Variants in TMEM164 observed in about 807,000 individuals in gnomAD.
TMEM164 encodes RP13-360B22.2.
A neutral mutation model predicts 18.8 loss-of-function variants in TMEM164; 4 were observed. The ratio of observed to expected loss-of-function variants is 0.21; its 90% CI spans 0.10 to 0.49. TMEM164 has a LOEUF of 0.49. Ranked by LOEUF, TMEM164 falls within the 20% of genes least tolerant of loss-of-function variation. TMEM164 has a pLI of 0.98. For synonymous variants in TMEM164, 86 were observed against 101.7 expected (o/e 0.85, Z 0.93); for missense variants, 108 against 239.9 (o/e 0.45, Z 3.63).
rs746216041 is a variant in TMEM164 at position 110,157,902 on chromosome X, G to GACTA, written c.586+13027_586+13028insCTAA. Among the ~76,000 whole-genome samples the GACTA allele has an allele frequency of 4.1e-3, 450 of 111,058 alleles. 6 individuals carry two copies. The highest frequency in any genetic ancestry group is 0.014 in the African/African-American group (439 of 30,521). On this transcript the variant is annotated intron_variant, in intron 5 of 6. Coordinates refer to ENST00000372068, the MANE Select transcript of TMEM164 (RefSeq NM_032227.4). ...TGGTTGATTGATTGATTGATTGATT[G>GACTA]ATGAGATGGAGTCTCATCCTGCCGT...
chrX:110,105,590 G>A (rs1281011624), intron 3 of TMEM164, among the ~76,000 whole-genome samples: 1 of 108,620 alleles, frequency 9.2e-6, no homozygotes, highest in African/African-American at 3.4e-5. Context: ...CACACAAGGG[G>A]TTTAGGCATG....
At chrX:110,072,007 A>G (rs1466197204) in intron 3 of TMEM164, among the ~76,000 whole-genome samples, 1 of 110,326 alleles carries the variant, frequency 9.1e-6, no homozygotes, top group Non-Finnish European at 1.9e-5. Context: ...ACCGTTAGAA[A>G]TTATGTATCC....
chrX:110,032,516 A>G (rs73636931), intron 2 of TMEM164, among the ~76,000 whole-genome samples: 3,965 of 111,382 alleles, frequency 0.036, 169 homozygotes, highest in African/African-American at 0.12. Flanking sequence ...CGTGAAAAGC[A>G]TAGAAAAGCA....
chrX:110,125,007 T>C (rs1224209036), intron 4 of TMEM164, among the ~76,000 whole-genome samples: 2 of 112,531 alleles, frequency 1.8e-5, no homozygotes, highest in African/African-American at 6.5e-5. Flanking sequence ...CAAAGATACC[T>C]AGTCAGCAGA....
At chrX:110,129,191 G>GT (rs2066577816) in intron 4 of TMEM164, among the ~76,000 whole-genome samples, 1 of 112,419 alleles carries the variant, frequency 8.9e-6, no homozygotes, top group African/African-American at 3.2e-5. Flanking sequence ...GCCGTTCCAA[G>GT]TTTTTATTGG....
chrX:110,060,635 G>T (rs1404402470), intron 2 of TMEM164, among the ~76,000 whole-genome samples: 1 of 111,537 alleles, frequency 9.0e-6, no homozygotes, highest in Non-Finnish European at 1.9e-5. Context: ...TTTCACAAAT[G>T]TCCCTTTTCT....
chrX:110,020,050 T>C (rs1221088662), intron 2 of TMEM164, among the ~76,000 whole-genome samples: 1 of 112,289 alleles, frequency 8.9e-6, no homozygotes, highest in Non-Finnish European at 1.9e-5. Flanking sequence ...AAACACTCCC[T>C]CTTGTGAAGC....
At position 110,173,494 on chromosome X, in the gene TMEM164, C is replaced by A; in HGVS notation, c.*43C>A. ...TTTTTTCCTCCCTGAGGAAGCAAGT[C>A]GTGACTTGACTTGGAGAACACCCAG... On this transcript the variant is annotated 3_prime_UTR_variant, in exon 7 of 7. Transcript: ENST00000372068. 9.1e-7 allele frequency: 1 copy of A among 1,102,116 alleles called. No homozygotes were observed. The highest frequency in any genetic ancestry group is 1.2e-6 in the Non-Finnish European group (1 of 813,190). 90.8% of individuals were successfully genotyped at this position (1,102,116 alleles called of 1,213,427 possible).
intron 2 of TMEM164, among the ~76,000 whole-genome samples, chrX:110,042,749 T>A (rs1310866582): frequency 1.8e-5 from 2 of 112,300 alleles, no homozygotes; most frequent in Non-Finnish European, 3.8e-5. Context: ...TCATTGTGGT[T>A]TTGTTTTGCA....
intron 3 of TMEM164, among the ~76,000 whole-genome samples, chrX:110,108,298 A>G (rs2066241988): frequency 1.8e-5 from 2 of 110,475 alleles, no homozygotes. Context: ...GAAGGAAGCT[A>G]CTTAAATCCA....
intron 2 of TMEM164, among the ~76,000 whole-genome samples, chrX:110,022,440 G>A (rs1410618339): frequency 9.0e-6 from 1 of 111,462 alleles, no homozygotes. Flanking sequence ...TGTAGGATGG[G>A]TGCCAGCACT....
Position 110,106,936 on chromosome X carries a change from C to A in TMEM164, c.441-2144C>A, listed in dbSNP as rs747964558. Among the ~76,000 whole-genome samples, 328 of 112,298 alleles carry A rather than the reference C, an allele frequency of 2.9e-3. 1 individual carries two copies. Among genetic ancestry groups the A allele is most frequent in the Non-Finnish European group, 5.6e-3 (296 of 53,223 alleles). The stretch of plus-strand genomic sequence containing the variant: ...AAAAGGATTGTGGTAACCTGGCCAG[C>A]CCCAGGGAGGTTGGAGTGACATTGC... On this transcript the variant is annotated intron_variant, in intron 3 of 6. Transcript: ENST00000372068.
At position 110,176,417 on chromosome X, in the gene TMEM164, A is replaced by G. The variant is rs768928505; in HGVS notation, c.*2966A>G. The G allele has an allele frequency of 6.7e-4, 505 of 754,826 alleles. 5 individuals carry two copies. The African/African-American group carries it at 0.011, about 17-fold the overall frequency. The allele number at this position is 754,826 out of a possible 1,213,427, so 62.2% of individuals were successfully genotyped here. ...CCTGTGAAGGCATGCAGGGTTCTGA[A>G]GCCACAGACTCAGTCTCCCCAAGTC... is the stretch of plus-strand genomic sequence containing the variant. On this transcript the variant is annotated 3_prime_UTR_variant, in exon 7 of 7. Transcript: ENST00000372068.
At chrX:110,017,503 C>A (rs1933507663) in intron 2 of TMEM164, among the ~76,000 whole-genome samples, 1 of 4,591 alleles carries the variant, frequency 2.2e-4, no homozygotes, top group South Asian at 0.02. Flanking sequence ...TCCCTCCCTC[C>A]CTCCCTCCCT....
intron 2 of TMEM164, among the ~76,000 whole-genome samples, chrX:110,005,270 AG>A (rs1001939850): frequency 9.0e-6 from 1 of 111,704 alleles, no homozygotes; most frequent in African/African-American, 3.3e-5. Flanking sequence ...ACAGGCCTGG[AG>A]GGGTTTAGGA....
chrX:110,075,195 T>A (rs2065653048), intron 3 of TMEM164, among the ~76,000 whole-genome samples: 1 of 111,735 alleles, frequency 8.9e-6, no homozygotes, highest in Non-Finnish European at 1.9e-5. Flanking sequence ...GATGTATTCC[T>A]AGGCATTTTA....
Position 110,173,791 on chromosome X carries a change from C to A in TMEM164, c.*340C>A, listed in dbSNP as rs931788181. The A allele has an allele frequency of 2.5e-4, 59 of 233,451 alleles. No homozygotes were observed. The highest frequency in any genetic ancestry group is 1.5e-3 in the African/African-American group (51 of 34,003). The allele number at this position is 233,451 out of a possible 1,213,427, so 19.2% of individuals were successfully genotyped here. On this transcript the variant is annotated 3_prime_UTR_variant, in exon 7 of 7. Coordinates refer to ENST00000372068, the MANE Select transcript of TMEM164 (RefSeq NM_032227.4). ...AACAGCTGGTTGAGGAGAAAGGGAA[C>A]AACAAGTAGTAGTTCTTTTGGCATC...
chrX:110,035,561 T>C (rs1934754928), intron 2 of TMEM164, among the ~76,000 whole-genome samples: 1 of 109,357 alleles, frequency 9.1e-6, no homozygotes, highest in Admixed American at 9.8e-5. Context: ...TGGAGTGCAG[T>C]GGCACGATCT....
At chrX:110,087,446 G>A (rs747634156) in intron 3 of TMEM164, among the ~76,000 whole-genome samples, 25 of 111,509 alleles carry the variant, frequency 2.2e-4, no homozygotes, top group African/African-American at 7.2e-4. Flanking sequence ...CTGTAGCCTC[G>A]ACCTCTGAGT....
Sources: gnomAD v4.1 joint callset for allele counts (sites outside exome capture counted in the v4.1 genomes callset) on GRCh38, gnomAD v4.1.1 for gene constraint, MANE v1.5 for transcripts, NCBI Gene and HGNC (gene_info 2026-07-23, HGNC 2026-07-21) for gene names.